The following TMTC1 variants were observed in gnomAD, a reference collection of about 807,000 sequenced individuals.
TMTC1 encodes the protein transmembrane O-mannosyltransferase targeting cadherins 1.
A neutral mutation model predicts 104.8 loss-of-function variants in TMTC1; 73 were observed. That is an observed-to-expected ratio of 0.70 (90% CI 0.58 to 0.85). The LOEUF (loss-of-function observed/expected upper bound fraction) is 0.85, where lower values mean the gene tolerates loss of function less well. TMTC1 is among the 40% of genes least tolerant of loss of function. TMTC1 has a pLI of 0.00. For synonymous variants in TMTC1, 434 were observed against 428.7 expected (o/e 1.01, Z -0.15); for missense variants, 1,035 against 1,096.1 (o/e 0.94, Z 0.79).
intron 5 of TMTC1, among the ~76,000 whole-genome samples, chr12:29,665,986 C>T (rs1183523643): frequency 6.6e-6 from 1 of 152,050 alleles, no homozygotes; most frequent in African/African-American, 2.4e-5. Context: ...TAAATTCCCA[C>T]TTGTCCATGC....
chr12:29,684,284 A>G (rs1231218828), intron 5 of TMTC1, among the ~76,000 whole-genome samples: 2 of 152,230 alleles, frequency 1.3e-5, no homozygotes, highest in Non-Finnish European at 2.9e-5. Context: ...GACAAGAGAA[A>G]AAGAAGGCTA....
chr12:29,561,372 T>C (rs1206500989), intron 9 of TMTC1, among the ~76,000 whole-genome samples: 1 of 152,220 alleles, frequency 6.6e-6, no homozygotes, highest in African/African-American at 2.4e-5. Context: ...AACTATGCTC[T>C]TATAGGAACT....
intron 11 of TMTC1, among the ~76,000 whole-genome samples, chr12:29,523,853 C>A (rs1438442610): frequency 6.6e-6 from 1 of 152,068 alleles, no homozygotes; most frequent in Non-Finnish European, 1.5e-5. Context: ...TTATGTCACA[C>A]TTAGCATGAG....
chr12:29,686,200 A>G (rs1032208786), intron 5 of TMTC1, among the ~76,000 whole-genome samples: 1 of 152,098 alleles, frequency 6.6e-6, no homozygotes, highest in African/African-American at 2.4e-5. Context: ...TTCACCTCTG[A>G]TTTCCCTTCA....
At chr12:29,531,009 A>G (rs1446308644) in intron 11 of TMTC1, among the ~76,000 whole-genome samples, 2 of 152,158 alleles carry the variant, frequency 1.3e-5, no homozygotes, top group Non-Finnish European at 2.9e-5. Context: ...TCCCCTTAAC[A>G]TGTTCACTGG....
chr12:29,765,006 T>C (rs1004002910), intron 2 of TMTC1, among the ~76,000 whole-genome samples: 3 of 152,208 alleles, frequency 2.0e-5, no homozygotes, highest in African/African-American at 7.2e-5. Context: ...GTCCCCAATA[T>C]GCTCTAAGCA....
At chr12:29,705,630 T>C (rs1285617203) in intron 5 of TMTC1, among the ~76,000 whole-genome samples, 2 of 152,148 alleles carry the variant, frequency 1.3e-5, no homozygotes, top group Non-Finnish European at 2.9e-5. Flanking sequence ...CAAAGGACTG[T>C]GGTATTTAAA....
intron 10 of TMTC1, among the ~76,000 whole-genome samples, chr12:29,551,793 T>C (rs1273074881): frequency 6.6e-6 from 1 of 151,838 alleles, no homozygotes; most frequent in Non-Finnish European, 1.5e-5. Flanking sequence ...TCTTCTTTTT[T>C]TTTTTTTTTT....
chr12:29,722,885 C>T (rs980554060), intron 5 of TMTC1, among the ~76,000 whole-genome samples: 1 of 132,652 alleles, frequency 7.5e-6, no homozygotes, highest in Non-Finnish European at 1.6e-5. Context: ...CGCACCATTG[C>T]ATTTCAGCCT....
intron 5 of TMTC1, among the ~76,000 whole-genome samples, chr12:29,747,457 A>AT (rs1942982228): frequency 6.6e-6 from 1 of 152,148 alleles, no homozygotes; most frequent in African/African-American, 2.4e-5. Context: ...CTGCAGTAGG[A>AT]TTTTTTCCTG....
intron 8 of TMTC1, among the ~76,000 whole-genome samples, chr12:29,578,449 T>C (rs999921748): frequency 8.5e-5 from 13 of 152,204 alleles, no homozygotes; most frequent in Admixed American, 5.9e-4. Context: ...TCCAATTTCA[T>C]ACTTCCAGTT....
At chr12:29,628,354 C>G (rs759762156) in intron 6 of TMTC1, among the ~76,000 whole-genome samples, 8 of 151,994 alleles carry the variant, frequency 5.3e-5, no homozygotes, top group Non-Finnish European at 8.8e-5. Flanking sequence ...TGAAAGAAGC[C>G]AGACATACAA....
chr12:29,597,476 G>C (rs1365620932), intron 7 of TMTC1, among the ~76,000 whole-genome samples: 4 of 151,766 alleles, frequency 2.6e-5, no homozygotes, highest in Admixed American at 2.6e-4. Flanking sequence ...GACCACTTTT[G>C]TAGGGCCACT....
At position 29,783,664 on chromosome 12, in the gene TMTC1, C is replaced by T. The variant is rs1376271032; in HGVS notation, c.88G>A (p.Ala30Thr). 6 of 1,340,182 alleles carry T rather than the reference C, an allele frequency of 4.5e-6. No individual in the cohort carries two copies. The highest frequency in any genetic ancestry group is 3.8e-6 in the Non-Finnish European group (4 of 1,050,822). The allele number at this position is 1,340,182 out of a possible 1,614,324, so 83.0% of individuals were successfully genotyped here. A position where few individuals can be genotyped will look rare whatever the true frequency, so the allele number is the denominator to read the frequency against. The change falls in exon 1 of 18, where the codon GCG becomes ACG. Residue 30 changes from alanine (A) to threonine (T), a missense_variant. Coordinates refer to ENST00000539277, the MANE Select transcript of TMTC1 (RefSeq NM_001193451.2). The surrounding 1 kb of genome is among the most constrained non-coding windows in gnomAD (Gnocchi z 4.7). ...CAGCTTGCCCCGGCCAGCAGCGCCG[C>T]GGCCCCGGCCGGCGCTAGCCCGCAG... ...RGCGLAPAGAAALLAGASCLC... is the reference protein window; with the variant it reads ...RGCGLAPAGATALLAGASCLC...
At chr12:29,507,956 A>G (rs1565631891) in intron 17 of TMTC1, among the ~76,000 whole-genome samples, 1 of 152,254 alleles carries the variant, frequency 6.6e-6, no homozygotes, top group Non-Finnish European at 1.5e-5. Context: ...TAAAAATTGT[A>G]TCTCTTAGAG....
intron 5 of TMTC1, among the ~76,000 whole-genome samples, chr12:29,685,578 A>T (rs183931527): frequency 3.9e-4 from 59 of 152,206 alleles, no homozygotes; most frequent in African/African-American, 1.3e-3. Context: ...CACTGAATTT[A>T]AAAAAAGCAA....
intron 5 of TMTC1, among the ~76,000 whole-genome samples, chr12:29,682,468 T>A (rs1940952684): frequency 6.6e-6 from 1 of 151,868 alleles, no homozygotes; most frequent in African/African-American, 2.4e-5. Flanking sequence ...AGCGCAAAAC[T>A]GAAAGAAAAA....
chr12:29,644,348 T>G (rs1168476825), intron 5 of TMTC1, among the ~76,000 whole-genome samples: 1 of 151,242 alleles, frequency 6.6e-6, no homozygotes, highest in African/African-American at 2.4e-5. Flanking sequence ...ACAACAGACT[T>G]TGGGGACTTG....
chr12:29,609,688 A>T (rs1946793342), intron 6 of TMTC1, among the ~76,000 whole-genome samples: 1 of 152,264 alleles, frequency 6.6e-6, no homozygotes, highest in South Asian at 2.1e-4. Context: ...GCCAAGAAGA[A>T]CGCTTTCAAG....
Sources: gnomAD v4.1 joint callset for allele counts (sites outside exome capture counted in the v4.1 genomes callset) on GRCh38, gnomAD v4.1.1 for gene constraint, Gnocchi (gnomAD v3.1) non-coding constraint, MANE v1.5 for transcripts, NCBI Gene and HGNC (gene_info 2026-07-23, HGNC 2026-07-21) for gene names.